CSMD3: variants seen among roughly 807,000 people sequenced by gnomAD.
CSMD3 encodes CUB and sushi domain-containing protein 3.
CSMD3 carries 177 observed loss-of-function variants against 435.2 expected under a neutral mutation model. That is an observed-to-expected ratio of 0.41 (90% confidence interval 0.36 to 0.46). CSMD3 has a LOEUF of 0.46. Among genes scored for constraint, CSMD3 ranks in the 20% least tolerant of loss-of-function variants. The pLI is 0.34. For synonymous variants in CSMD3, 1,656 were observed against 1,520.5 expected (o/e 1.09, Z -2.07); for missense variants, 4,265 against 4,504.6 (o/e 0.95, Z 1.52).
At chr8:112,400,411 G>A (rs550896182) in intron 35 of CSMD3, among the ~76,000 whole-genome samples, 1 of 152,072 alleles carries the variant, frequency 6.6e-6, no homozygotes, top group African/African-American at 2.4e-5. Context: ...AAAAATTGGG[G>A]AAAACAAATA....
intron 13 of CSMD3, among the ~76,000 whole-genome samples, chr8:112,713,077 T>G (rs1039582540): frequency 6.6e-6 from 1 of 151,950 alleles, no homozygotes; most frequent in African/African-American, 2.4e-5. Context: ...ACTGACTAGG[T>G]GGCTGGCATG....
chr8:112,543,619 C>A (rs754692068), intron 27 of CSMD3, among the ~76,000 whole-genome samples: 63 of 152,018 alleles, frequency 4.1e-4, no homozygotes, highest in Non-Finnish European at 6.2e-4. Context: ...CTCTTACATG[C>A]TATTGGTGGG....
chr8:113,024,334 T>C (rs2086795744), intron 5 of CSMD3, among the ~76,000 whole-genome samples: 1 of 148,906 alleles, frequency 6.7e-6, no homozygotes, highest in Admixed American at 6.7e-5. Context: ...GTGTGTGTGA[T>C]CACACTTTCT....
At chr8:113,056,836 T>C (rs2088364354) in intron 5 of CSMD3, among the ~76,000 whole-genome samples, 1 of 152,222 alleles carries the variant, frequency 6.6e-6, no homozygotes, top group Non-Finnish European at 1.5e-5. Flanking sequence ...TATGTGTCAC[T>C]GCTATGCTTA....
intron 4 of CSMD3, among the ~76,000 whole-genome samples, chr8:113,117,108 A>G (rs2090853219): frequency 6.6e-6 from 1 of 152,234 alleles, no homozygotes; most frequent in South Asian, 2.1e-4. Flanking sequence ...AATGTTGATC[A>G]CCAAAAAATG....
In CSMD3 at chr8:112,510,062, A is replaced by G. The variant is rs576529731; in HGVS notation, c.4757-3233T>C. 1.6e-4 allele frequency among the ~76,000 whole-genome samples: 24 copies of G among 152,070 alleles called. No homozygotes were observed. The East Asian group carries it at 3.7e-3, about 23-fold the overall frequency. ...GGCCTAAGAGTCTTCTCTTTTTTTC[A>G]CTGCATCCTTATATCCAATCTATCA... On this transcript the variant is annotated intron_variant, in intron 28 of 70. Transcript: ENST00000297405.
Position 113,436,924 on chromosome 8 carries a change from G to T in CSMD3, c.-70C>A. On this transcript the variant is annotated 5_prime_UTR_variant, in exon 1 of 71. Transcript: ENST00000297405. ...GGAGTTGTTGCTGTTGTTGGTGCGC[G>T]GTCACAGCTCGGAGTGAATGGTGTT... is the stretch of plus-strand genomic sequence containing the variant. 6.4e-7 allele frequency: 1 copy of T among 1,553,882 alleles called. No individual in the cohort carries two copies. The highest frequency in any genetic ancestry group is 8.9e-7 in the Non-Finnish European group (1 of 1,128,282).
At chr8:113,044,836 T>C (rs1018364320) in intron 5 of CSMD3, among the ~76,000 whole-genome samples, 5 of 149,200 alleles carry the variant, frequency 3.4e-5, no homozygotes, top group South Asian at 4.2e-4. Context: ...TTCTTTTGTC[T>C]GAAAAGATAA....
intron 32 of CSMD3, among the ~76,000 whole-genome samples, chr8:112,464,775 G>C (rs1411188927): frequency 6.6e-6 from 1 of 152,074 alleles, no homozygotes; most frequent in Admixed American, 6.6e-5. Flanking sequence ...AACCTTCATG[G>C]CCTTAATCTA....
chr8:112,879,989 C>T lies in CSMD3; in HGVS notation c.1634-20723G>A, dbSNP rs139546200. 3.8e-3 allele frequency among the ~76,000 whole-genome samples: 573 copies of T among 152,110 alleles called. 2 individuals carry two copies. Among genetic ancestry groups the T allele is most frequent in the African/African-American group, 0.01 (426 of 41,518 alleles). On this transcript the variant is annotated intron_variant, in intron 10 of 70. Coordinates refer to ENST00000297405, the MANE Select transcript of CSMD3 (RefSeq NM_198123.2). ...AATGTTGATGGCAGTTTGATGGTTGCAGCAAACCACCAAGGCATGTGTATT... is the reference window on the plus strand; with the variant it reads ...AATGTTGATGGCAGTTTGATGGTTGTAGCAAACCACCAAGGCATGTGTATT...
rs181835221 is a variant in CSMD3 at position 112,247,998 on chromosome 8, G to A, written c.10111-867C>T. On this transcript the variant is annotated intron_variant, in intron 63 of 70. Transcript: ENST00000297405. ...CATTTATTGTTTACAAAGTGAGCAGGGTAGGTAGAGGTTTGGGATAAGTGG... is the reference window on the plus strand; with the variant it reads ...CATTTATTGTTTACAAAGTGAGCAGAGTAGGTAGAGGTTTGGGATAAGTGG... Among the ~76,000 whole-genome samples the A allele has an allele frequency of 3.0e-3, 459 of 152,206 alleles. 6 individuals are homozygous for A. Among genetic ancestry groups the A allele is most frequent in the African/African-American group, 0.01 (432 of 41,532 alleles).
intron 1 of CSMD3, among the ~76,000 whole-genome samples, chr8:113,353,631 T>C (rs534381107): frequency 6.6e-6 from 1 of 152,284 alleles, no homozygotes; most frequent in South Asian, 2.1e-4. Context: ...TACTTGATTC[T>C]GGGAAATATT....
intron 32 of CSMD3, among the ~76,000 whole-genome samples, chr8:112,471,357 C>T (rs529878744): frequency 6.6e-6 from 1 of 152,100 alleles, no homozygotes; most frequent in South Asian, 2.1e-4. Context: ...ACTCAAAAGG[C>T]AAAAAATAAA....
intron 24 of CSMD3, among the ~76,000 whole-genome samples, chr8:112,568,639 G>A (rs896059092): frequency 6.6e-6 from 1 of 152,024 alleles, no homozygotes; most frequent in Non-Finnish European, 1.5e-5. Context: ...GTGTGGTATG[G>A]TATTTTCATA....
At chr8:112,520,162 T>G (rs546923358) in intron 27 of CSMD3, among the ~76,000 whole-genome samples, 1 of 152,152 alleles carries the variant, frequency 6.6e-6, no homozygotes, top group South Asian at 2.1e-4. Context: ...AAAGAGAAAC[T>G]TTAAAAAGGC....
At chr8:113,362,111 T>C (rs935948285) in intron 1 of CSMD3, among the ~76,000 whole-genome samples, 78 of 152,314 alleles carry the variant, frequency 5.1e-4, no homozygotes, top group African/African-American at 1.8e-3. Flanking sequence ...TATTTGAAGT[T>C]GAACTTGCAT....
chr8:112,744,834 T>C (rs2077392041), intron 13 of CSMD3, among the ~76,000 whole-genome samples: 1 of 152,092 alleles, frequency 6.6e-6, no homozygotes, highest in Non-Finnish European at 1.5e-5. Flanking sequence ...CAAGATGTGT[T>C]GCAGGTAACC....
intron 2 of CSMD3, among the ~76,000 whole-genome samples, chr8:113,305,826 A>C (rs2093816223): frequency 6.6e-6 from 1 of 152,258 alleles, no homozygotes; most frequent in Admixed American, 6.5e-5. Context: ...AAGATGCATC[A>C]AAATTTTAAT....
At chr8:113,047,243 A>T (rs1319274294) in intron 5 of CSMD3, among the ~76,000 whole-genome samples, 1 of 152,174 alleles carries the variant, frequency 6.6e-6, no homozygotes, top group African/African-American at 2.4e-5. Flanking sequence ...TTCTTCACTT[A>T]TATTTCTTGT....
Sources: allele counts gnomAD v4.1 joint callset (sites outside exome capture counted in the v4.1 genomes callset), GRCh38; gene constraint gnomAD v4.1.1; transcripts MANE v1.5; gene names NCBI Gene and HGNC (gene_info 2026-07-23, HGNC 2026-07-21).